The following MYO1A variants were observed in gnomAD, a reference collection of about 807,000 sequenced individuals.
The protein encoded by MYO1A is myosin IA, also known as unconventional myosin-Ia.
A neutral mutation model predicts 138.5 loss-of-function variants in MYO1A; 127 were observed. The observed-to-expected ratio is 0.92, with a 90% confidence interval of 0.79 to 1.06. MYO1A has a LOEUF of 1.06. Among genes scored for constraint, MYO1A ranks in the 50% least tolerant of loss-of-function variants. The pLI is 0.00. For missense variants in MYO1A, 1,211 were observed against 1,288.8 expected (o/e 0.94, Z 0.92); for synonymous variants, 477 against 497.5 (o/e 0.96, Z 0.55).
chr12:57,039,394 G>A, intron 14 of MYO1A, 120 bp from the exon 15 acceptor site: 1 of 793,788 alleles, frequency 1.3e-6, no homozygotes, highest in South Asian at 1.4e-5. Flanking sequence ...TAGTTCACAG[G>A]GGTCCTTGGT....
intron 14 of MYO1A, among the ~76,000 whole-genome samples, chr12:57,040,030 C>G (rs748307084): frequency 4.6e-5 from 7 of 152,252 alleles, no homozygotes; most frequent in Non-Finnish European, 7.3e-5. Flanking sequence ...GGCCTACAGA[C>G]AGGATAGCTC....
rs540368102 is a variant in MYO1A, at chr12:57,048,063, T to C, written c.156A>G (p.Gln52=). The part of the protein sequence containing the change: ...GNVVISVNPY[Q]QLPIYGPEFI... ...ACTCTGGCCCATAGATGGGAAGCTG[T>C]TGATAGGGATTCACTGAGATCACCA... The change falls in exon 3 of 28, where the codon CAA becomes CAG. Residue 52 remains glutamine, a synonymous_variant. Transcript: ENST00000300119. The C allele has an allele frequency of 1.9e-6, 3 of 1,614,182 alleles. No homozygotes were observed. Among genetic ancestry groups the C allele is most frequent in the Admixed American group, 1.7e-5 (1 of 60,036 alleles).
intron 12 of MYO1A, among the ~76,000 whole-genome samples, chr12:57,042,298 T>C (rs751096459): frequency 1.3e-5 from 2 of 152,248 alleles, no homozygotes; most frequent in Non-Finnish European, 2.9e-5. Context: ...CTCATCAATC[T>C]TGAAGCATGT....
At chr12:57,050,160 G>C (rs1470687161), upstream of MYO1A, 3 of 152,282 alleles carry the variant, frequency 2.0e-5, no homozygotes, top group African/African-American at 7.2e-5. Flanking sequence ...ACAAAGTCCA[G>C]ACTGTTCCTG....
intron 8 of MYO1A, among the ~76,000 whole-genome samples, chr12:57,045,883 T>A (rs1173241932): frequency 1.3e-4 from 19 of 151,210 alleles, no homozygotes; most frequent in Admixed American, 1.2e-3. Context: ...ACAGGCCTGA[T>A]GGCCCCGATC....
Position 57,043,332 on chromosome 12 carries a change from C to T in MYO1A, c.919G>A (p.Gly307Ser). The change falls in exon 11 of 28, where the codon GGC becomes AGC. Residue 307 changes from glycine to serine, a missense_variant. Gly to Ser is a moderately conservative substitution (Grantham distance 56). Transcript: ENST00000300119. The part of the protein sequence containing the change: ...RGVREIGEMV[G>S]LNSEEVERAL... ...CTCTCTACTTCTTCTGAATTCAAGC[C>T]CACCATCTCCCCAATCTCCCGAACA... The T allele has an allele frequency of 1.9e-6, 3 of 1,614,152 alleles. No homozygotes were observed. The highest frequency in any genetic ancestry group is 2.5e-6 in the Non-Finnish European group (3 of 1,180,008).
At chr12:57,035,649 C>T (rs1017343058) in intron 22 of MYO1A, among the ~76,000 whole-genome samples, 1 of 152,164 alleles carries the variant, frequency 6.6e-6, no homozygotes, top group Admixed American at 6.5e-5. Context: ...TCCCTGGTTT[C>T]CTCCCTGACA....
At chr12:57,030,986 G>T (rs776381705) in intron 23 of MYO1A, 54 bp downstream of exon 23, 7 of 1,604,240 alleles carry the variant, frequency 4.4e-6, no homozygotes, top group Non-Finnish European at 6.0e-6. Flanking sequence ...AGGAAAATCA[G>T]GGGGAGGGAA....
intron 10 of MYO1A, 66 bp from the exon 11 acceptor site, chr12:57,043,424 C>T (rs1214881653): frequency 6.8e-7 from 1 of 1,480,972 alleles, no homozygotes; most frequent in African/African-American, 1.4e-5. Context: ...GGAGTGCAAT[C>T]TGATAAGTGA....
At position 57,047,715 on chromosome 12, in the gene MYO1A, T is replaced by A. The variant is rs764944887; in HGVS notation, c.237A>T (p.Ala79=). 6.2e-7 allele frequency: 1 copy of A among 1,614,180 alleles called. No homozygotes were observed. The highest frequency in any genetic ancestry group is 1.7e-5 in the Admixed American group (1 of 60,032). The change falls in exon 4 of 28, where the codon GCA becomes GCT. Residue 79 remains alanine, a synonymous_variant. Transcript: ENST00000300119. ...TFYELKPHIY[A]LANVAYQSLR... ...GTGACTGGTACGCCACATTTGCCAA[T>A]GCGTAGCTTGTGGGGAGGAAGTGGG...
intron 14 of MYO1A, 99 bp downstream of exon 14, chr12:57,041,085 T>C: frequency 1.1e-6 from 1 of 871,508 alleles, no homozygotes; most frequent in Non-Finnish European, 1.9e-6. Flanking sequence ...TGTTCACATC[T>C]GGGGACGATG....
rs1381608286 is a variant in MYO1A, at chr12:57,033,262, T to C, written c.2350-2088A>G. On this transcript the variant is annotated intron_variant, in intron 22 of 27. Coordinates refer to ENST00000300119, the MANE Select transcript of MYO1A (RefSeq NM_005379.4). ...CTTCTAAACATGTCCTTTGAAGCTT[T>C]ATTTTTCCTTTTCCAGGATCCAATC... 3.9e-5 allele frequency among the ~76,000 whole-genome samples: 6 copies of C among 152,244 alleles called. No homozygotes were observed. The East Asian group carries it at 1.2e-3, about 29-fold the overall frequency.
Position 57,029,771 on chromosome 12 carries a change from G to A in MYO1A, c.2693C>T (p.Ala898Val). 2 of 1,614,180 alleles carry A rather than the reference G, an allele frequency of 1.2e-6. No homozygotes were observed. The highest frequency in any genetic ancestry group is 2.2e-5 in the East Asian group (1 of 44,882). ...GEEGPVLMAEAVKKVNRGNGK... is the reference protein window; with the variant it reads ...GEEGPVLMAEVVKKVNRGNGK... ...ATTGCCACGATTGACCTTCTTCACGGCCTCTGCCATCAGAACAGGCCCCTC... is the reference window on the plus strand; with the variant it reads ...ATTGCCACGATTGACCTTCTTCACGACCTCTGCCATCAGAACAGGCCCCTC... Residue 898 changes from alanine (A) to valine (V), a missense_variant, in exon 25 of 28, where the codon GCC becomes GTC. Coordinates refer to ENST00000300119, the MANE Select transcript of MYO1A (RefSeq NM_005379.4).
chr12:57,046,738 G>A, intron 7 of MYO1A, 88 bp from the exon 8 acceptor site: 1 of 1,488,924 alleles, frequency 6.7e-7, no homozygotes, highest in Non-Finnish European at 9.4e-7. Context: ...CCCATCGCCG[G>A]CATTCCTAGT....
Position 57,043,269 on chromosome 12 carries a change from T to C in MYO1A, c.982A>G (p.Lys328Glu), listed in dbSNP as rs757648879. The C allele has an allele frequency of 4.3e-6, 7 of 1,614,210 alleles. No homozygotes were observed. The highest frequency in any genetic ancestry group is 3.4e-6 in the Non-Finnish European group (4 of 1,180,032). Residue 328 changes from lysine to glutamate, a missense_variant, in exon 11 of 28, where the codon AAG (lysine) becomes GAG (glutamate). Coordinates refer to ENST00000300119, the MANE Select transcript of MYO1A (RefSeq NM_005379.4). ...ATAACATTCAGTGCAGTGACCACCTTTTCCTTGGCTGTTTCCATGGTCCTC... is the reference window on the plus strand; with the variant it reads ...ATAACATTCAGTGCAGTGACCACCTCTTCCTTGGCTGTTTCCATGGTCCTC... ...CSRTMETAKEKVVTALNVMQA... is the reference protein window; with the variant it reads ...CSRTMETAKEEVVTALNVMQA...
chr12:57,036,360 A>C lies in MYO1A; in HGVS notation c.2296T>G (p.Tyr766Asp), dbSNP rs759935118. 1 of 1,613,834 alleles carries C rather than the reference A, an allele frequency of 6.2e-7. No homozygotes were observed. The highest frequency in any genetic ancestry group is 8.5e-7 in the Non-Finnish European group (1 of 1,179,796). Residue 766 changes from tyrosine (Y) to aspartate (D), a missense_variant, in exon 22 of 28, where the codon TAT (tyrosine) becomes GAT (aspartate). Coordinates refer to ENST00000300119, the MANE Select transcript of MYO1A (RefSeq NM_005379.4). ...GWKARKNYRK[Y>D]FRSEAALTLA... ...GTGAGGGCAGCCTCTGACCGGAAATATTTGCGATAATTCTTTCGGGCCTGG... is the reference window on the plus strand; with the variant it reads ...GTGAGGGCAGCCTCTGACCGGAAATCTTTGCGATAATTCTTTCGGGCCTGG...
intron 22 of MYO1A, among the ~76,000 whole-genome samples, chr12:57,034,241 C>G (rs750695842): frequency 6.6e-6 from 1 of 152,152 alleles, no homozygotes; most frequent in Non-Finnish European, 1.5e-5. Context: ...GTGGAACCCC[C>G]GGCAAGTTAT....
At chr12:57,041,355 C>T in intron 13 of MYO1A, 67 bp from the exon 14 acceptor site, 1 of 1,591,298 alleles carries the variant, frequency 6.3e-7, no homozygotes, top group South Asian at 1.1e-5. Flanking sequence ...TCCTACCTCC[C>T]CTCCCTCACA....
At chr12:57,043,206 G>C in intron 11 of MYO1A, 34 bp downstream of exon 11, 2 of 1,613,688 alleles carry the variant, frequency 1.2e-6, no homozygotes, top group Non-Finnish European at 1.7e-6. Flanking sequence ...GAACAGGGTC[G>C]AAACAGCCCC....
Sources: gnomAD v4.1 joint callset for allele counts (sites outside exome capture counted in the v4.1 genomes callset) on GRCh38, gnomAD v4.1.1 for gene constraint, MANE v1.5 for transcripts, NCBI Gene and HGNC (gene_info 2026-07-23, HGNC 2026-07-21) for gene names.